CUEDC2: variants seen among roughly 807,000 people sequenced by gnomAD.
The protein encoded by CUEDC2 is CUE domain-containing protein 2.
CUEDC2 carries 10 observed loss-of-function variants against 36.0 expected under a neutral mutation model. That is an observed-to-expected ratio of 0.28 (90% CI 0.17 to 0.47). CUEDC2 has a LOEUF of 0.47. Among genes scored for constraint, CUEDC2 ranks in the 20% least tolerant of loss-of-function variants. The pLI is 0.99. For synonymous variants in CUEDC2, 133 were observed against 141.8 expected, an observed-to-expected ratio of 0.94 and a Z score of 0.44; for missense variants, 269 against 368.1, an observed-to-expected ratio of 0.73 and a Z score of 2.20.
chr10:102,423,813 G>T lies in CUEDC2; in HGVS notation c.641C>A (p.Ser214Tyr). ...LRGPQKDELKSFILQKYMMVD... is the reference protein window; with the variant it reads ...LRGPQKDELKYFILQKYMMVD... The stretch of plus-strand genomic sequence containing the variant: ...CCAGACTCACTTCTGCAGGATGAAG[G>T]ACTTCAGCTCATCCTTTTGGGGGCC... The change falls in exon 7 of 9, where the codon TCC becomes TAC. Residue 214 changes from serine (S) to tyrosine (Y), a missense_variant. Physicochemically the swap from Ser to Tyr is moderately radical, Grantham distance 144 (BLOSUM62 -2). Transcript: ENST00000369937. This position sits in a 1 kb window ranked among gnomAD's most constrained non-coding sequence, Gnocchi z 5.6. The T allele has an allele frequency of 6.2e-7, 1 of 1,613,948 alleles. No homozygotes were observed.
At position 102,424,612 on chromosome 10, in the gene CUEDC2, C is replaced by G. The variant is rs2061589114; in HGVS notation, c.218+37G>C. On this transcript the variant is annotated intron_variant, in intron 3 of 8. Transcript: ENST00000369937. This position sits in a 1 kb window ranked among gnomAD's most constrained non-coding sequence, Gnocchi z 4.2. ...TGACTCTGCCCACCCCATAATCAGC[C>G]AGCCCCTTCCTCCTCCTGGCCCTAG... The G allele has an allele frequency of 6.2e-7, 1 of 1,614,092 alleles. No individual in the cohort carries two copies. The highest frequency in any genetic ancestry group is 1.3e-5 in the African/African-American group (1 of 74,940).
rs561168043 is a variant in CUEDC2 at position 102,424,920 on chromosome 10, G to C, written c.75-128C>G. ...CTAGACCTTTATCTTTAAGGCCAGA[G>C]AGTATAACCCCCTCCCTCAGAGCTA... On this transcript the variant is annotated intron_variant, in intron 2 of 8. Coordinates refer to ENST00000369937, the MANE Select transcript of CUEDC2 (RefSeq NM_024040.3). The surrounding 1 kb of genome is among the most constrained non-coding windows in gnomAD (Gnocchi z 4.2). The C allele has an allele frequency of 1.0e-5, 11 of 1,073,164 alleles. No individual in the cohort carries two copies. Among genetic ancestry groups the C allele is most frequent in the Non-Finnish European group, 8.0e-6 (6 of 746,436 alleles). The allele number at this position is 1,073,164 out of a possible 1,614,324, so 66.5% of individuals were successfully genotyped here. A position where few individuals can be genotyped will look rare whatever the true frequency, so the allele number is the denominator to read the frequency against.
chr10:102,423,341 AG>A lies in CUEDC2; in HGVS notation c.*84del. The A allele has an allele frequency of 3.3e-6, 5 of 1,499,180 alleles. No individual in the cohort carries two copies. Among genetic ancestry groups the A allele is most frequent in the South Asian group, 1.1e-5 (1 of 87,260 alleles). 92.9% of individuals were successfully genotyped at this position (1,499,180 alleles called of 1,614,324 possible). On this transcript the variant is annotated 3_prime_UTR_variant, in exon 9 of 9. Transcript: ENST00000369937. This position sits in a 1 kb window ranked among gnomAD's most constrained non-coding sequence, Gnocchi z 5.6. ...GGAGTAGAGAAGGGGGACAGGAGTT[AG>A]GGGGCCCCTGTGTAGGGGTATAGGG...
At chr10:102,429,356 A>T (rs1367633524) in intron 1 of CUEDC2, among the ~76,000 whole-genome samples, 3 of 152,036 alleles carry the variant, frequency 2.0e-5, no homozygotes, top group Admixed American at 1.3e-4. Flanking sequence ...CAGTGTGTTT[A>T]ATGACTTGCC....
chr10:102,429,343 G>A (rs1589908646), intron 1 of CUEDC2, among the ~76,000 whole-genome samples: 1 of 152,014 alleles, frequency 6.6e-6, no homozygotes, highest in Non-Finnish European at 1.5e-5. Context: ...AAGAAATGAA[G>A]TTCAGTGTGT....
chr10:102,424,526 C>T lies in CUEDC2; in HGVS notation c.253G>A (p.Gly85Arg), dbSNP rs770543867. The T allele has an allele frequency of 1.2e-4, 193 of 1,614,060 alleles. 1 individual carries two copies. The highest frequency in any genetic ancestry group is 3.4e-6 in the Non-Finnish European group (4 of 1,180,032). Reference protein sequence around the residue: ...TIGDMMQKLSGQLSDARNKEN... With the variant: ...TIGDMMQKLSRQLSDARNKEN... ...TTGTTCCTGGCATCGCTCAGCTGCC[C>T]TGAGAGCTTCTGCATCATGTCCCCT... The change falls in exon 4 of 9, where the codon GGG becomes AGG. Residue 85 changes from glycine to arginine, a missense_variant. Gly to Arg is a moderately radical substitution (Grantham distance 125). Coordinates refer to ENST00000369937, the MANE Select transcript of CUEDC2 (RefSeq NM_024040.3). The surrounding 1 kb of genome is among the most constrained non-coding windows in gnomAD (Gnocchi z 4.2).
intron 1 of CUEDC2, among the ~76,000 whole-genome samples, chr10:102,429,169 C>T (rs1468552742): frequency 1.3e-5 from 2 of 152,164 alleles, no homozygotes; most frequent in African/African-American, 2.4e-5. Flanking sequence ...TTCTGACTAG[C>T]AGCACCTTTC....
At chr10:102,430,976 A>G (rs2061614799) in intron 1 of CUEDC2, among the ~76,000 whole-genome samples, 2 of 152,350 alleles carry the variant, frequency 1.3e-5, no homozygotes, top group East Asian at 3.9e-4. Context: ...TCATCCTGTC[A>G]TGAGTCCTGC....
At chr10:102,430,211 C>T (rs143090336) in intron 1 of CUEDC2, among the ~76,000 whole-genome samples, 1 of 145,288 alleles carries the variant, frequency 6.9e-6, no homozygotes, top group Admixed American at 7.0e-5. Context: ...TCTTGTTGCC[C>T]AGGCTAGAGT....
At position 102,424,414 on chromosome 10, in the gene CUEDC2, C is replaced by T. The variant is rs748112098; in HGVS notation, c.281-20G>A. The T allele has an allele frequency of 9.3e-6, 15 of 1,613,742 alleles. No individual in the cohort carries two copies. The highest frequency in any genetic ancestry group is 1.2e-5 in the Non-Finnish European group (14 of 1,179,678). ...GGTTCTCTTAAAGAGGCAAAGAGAG[C>T]ATCAGGTTTGCCAAGGCTCTGGGGA... On this transcript the variant is annotated intron_variant, in intron 4 of 8. Transcript: ENST00000369937. The surrounding 1 kb of genome is among the most constrained non-coding windows in gnomAD (Gnocchi z 4.2).
Position 102,425,453 on chromosome 10 carries a change from C to T in CUEDC2, c.-10-255G>A, listed in dbSNP as rs553485130. Among the ~76,000 whole-genome samples the T allele has an allele frequency of 7.1e-5, 9 of 126,174 alleles. No individual in the cohort carries two copies. In the East Asian group the frequency reaches 2.7e-3, roughly 38 times the overall value. The allele number at this position is 126,174 out of a possible 152,430, so 82.8% of individuals were successfully genotyped here. Reference sequence around the variant, plus strand: ...CACCTCTCCCCACCCCCCTACCTCTCCCCACCCCCCTACCCCATTCCCCAG... The same window carrying T: ...CACCTCTCCCCACCCCCCTACCTCTTCCCACCCCCCTACCCCATTCCCCAG... On this transcript the variant is annotated intron_variant, in intron 1 of 8. Coordinates refer to ENST00000369937, the MANE Select transcript of CUEDC2 (RefSeq NM_024040.3).
rs1362507664 is a variant in CUEDC2 at position 102,423,782 on chromosome 10, C to T, written c.656+16G>A. On this transcript the variant is annotated intron_variant, in intron 7 of 8. Coordinates refer to ENST00000369937, the MANE Select transcript of CUEDC2 (RefSeq NM_024040.3). The surrounding 1 kb of genome is among the most constrained non-coding windows in gnomAD (Gnocchi z 5.6). ...GAAGACCCTCTAGGGCCCAGCCCAG[C>T]CCAGCCCAGACTCACTTCTGCAGGA... The T allele has an allele frequency of 3.1e-6, 5 of 1,613,764 alleles. No homozygotes were observed. The Admixed American group carries it at 8.3e-5, about 27-fold the overall frequency.
intron 1 of CUEDC2, among the ~76,000 whole-genome samples, chr10:102,429,943 C>T (rs963318662): frequency 3.3e-5 from 5 of 150,480 alleles, no homozygotes; most frequent in African/African-American, 7.3e-5. Flanking sequence ...GGATTACAGG[C>T]GCCTGCCACA....
Position 102,423,728 on chromosome 10 carries a change from C to A in CUEDC2, c.657-11G>T. The A allele has an allele frequency of 6.2e-7, 1 of 1,614,180 alleles. No individual in the cohort carries two copies. Among genetic ancestry groups the A allele is most frequent in the Non-Finnish European group, 8.5e-7 (1 of 1,180,022 alleles). On this transcript the variant is annotated splice_polypyrimidine_tract_variant and intron_variant, in intron 7 of 8. Transcript: ENST00000369937. The surrounding 1 kb of genome is among the most constrained non-coding windows in gnomAD (Gnocchi z 5.6). The stretch of plus-strand genomic sequence containing the variant: ...TCCACCATCATGTACCTGTCAAAAA[C>A]TGGCTGGGTGAAGCTCCTGTCACCC...
Position 102,423,359 on chromosome 10 carries a change from G to A in CUEDC2, c.*67C>T, listed in dbSNP as rs891558309. The A allele has an allele frequency of 1.0e-5, 16 of 1,598,692 alleles. No individual in the cohort carries two copies. The highest frequency in any genetic ancestry group is 1.9e-4 in the Middle Eastern group (1 of 5,168). On this transcript the variant is annotated 3_prime_UTR_variant, in exon 9 of 9. Transcript: ENST00000369937. This position sits in a 1 kb window ranked among gnomAD's most constrained non-coding sequence, Gnocchi z 5.6. ...AGGAGTTAGGGGGCCCCTGTGTAGG[G>A]GTATAGGGCTCCTGCATCCCTCTGG...
At chr10:102,425,750 TC>T (rs1449704223) in intron 1 of CUEDC2, among the ~76,000 whole-genome samples, 3 of 151,882 alleles carry the variant, frequency 2.0e-5, no homozygotes, top group Non-Finnish European at 4.4e-5. Flanking sequence ...TCCCTGCCCT[TC>T]CTGCAGCTTA....
Position 102,424,418 on chromosome 10 carries a change from A to C in CUEDC2, c.281-24T>G, listed in dbSNP as rs749716360. 7 of 1,613,714 alleles carry C rather than the reference A, an allele frequency of 4.3e-6. No individual in the cohort carries two copies. The highest frequency in any genetic ancestry group is 3.3e-4 in the Middle Eastern group (2 of 6,058). On this transcript the variant is annotated intron_variant, in intron 4 of 8. Coordinates refer to ENST00000369937, the MANE Select transcript of CUEDC2 (RefSeq NM_024040.3). This position sits in a 1 kb window ranked among gnomAD's most constrained non-coding sequence, Gnocchi z 4.2. ...CTCTTAAAGAGGCAAAGAGAGCATC[A>C]GGTTTGCCAAGGCTCTGGGGAGCAG...
chr10:102,429,145 G>A (rs1051125861), intron 1 of CUEDC2, among the ~76,000 whole-genome samples: 1 of 152,010 alleles, frequency 6.6e-6, no homozygotes, highest in African/African-American at 2.4e-5. Context: ...CACTCTCTAT[G>A]CAGGCTGCAA....
intron 1 of CUEDC2, among the ~76,000 whole-genome samples, chr10:102,426,893 C>T (rs1289192280): frequency 1.3e-5 from 2 of 151,936 alleles, no homozygotes; most frequent in African/African-American, 4.8e-5. Flanking sequence ...AACTCCTGGG[C>T]TCAAAGCAGT....
Sources: allele counts gnomAD v4.1 joint callset (sites outside exome capture counted in the v4.1 genomes callset), GRCh38; gene constraint gnomAD v4.1.1; non-coding constraint Gnocchi (gnomAD v3.1); transcripts MANE v1.5; gene names NCBI Gene and HGNC (gene_info 2026-07-23, HGNC 2026-07-21).